Variants in CUBN observed in about 807,000 individuals in gnomAD.
CUBN encodes the protein 460 kDa receptor.
In CUBN, 282 loss-of-function variants were observed where a neutral mutation model predicts 405.3. That is an observed-to-expected ratio of 0.70 (90% CI 0.63 to 0.77). The LOEUF is 0.77. CUBN is among the 30% of genes least tolerant of loss of function. The probability of loss-of-function intolerance (pLI) is 0.00; values close to 1 mark genes in which losing one functional copy is unlikely to be tolerated. For synonymous variants in CUBN, 1,684 were observed against 1,617.0 expected (o/e 1.04, Z -0.99); for missense variants, 4,514 against 4,475.2 (o/e 1.01, Z -0.25).
intron 56 of CUBN, among the ~76,000 whole-genome samples, chr10:16,879,493 A>G (rs1840607961): frequency 6.6e-6 from 1 of 152,260 alleles, no homozygotes; most frequent in African/African-American, 2.4e-5. Context: ...TTATATAAGC[A>G]CATGCTATGG....
intron 60 of CUBN, among the ~76,000 whole-genome samples, chr10:16,844,606 T>C (rs1839457412): frequency 6.6e-6 from 1 of 152,212 alleles, no homozygotes; most frequent in Non-Finnish European, 1.5e-5. Flanking sequence ...CATACATACC[T>C]GGCCCCAAGC....
chr10:17,036,480 G>C (rs1356563002), intron 27 of CUBN, among the ~76,000 whole-genome samples: 3 of 152,078 alleles, frequency 2.0e-5, no homozygotes, highest in Non-Finnish European at 4.4e-5. Flanking sequence ...GTGTGGGGAG[G>C]TGTGAGCCTT....
At chr10:16,936,909 G>T (rs1020225197) in intron 39 of CUBN, among the ~76,000 whole-genome samples, 2 of 152,030 alleles carry the variant, frequency 1.3e-5, no homozygotes, top group Non-Finnish European at 2.9e-5. Context: ...TAGAGATGGG[G>T]TTTTGCCATG....
At chr10:17,084,135 G>A in intron 17 of CUBN, 136 bp downstream of exon 17, 2 of 811,628 alleles carry the variant, frequency 2.5e-6, no homozygotes, top group Non-Finnish European at 4.2e-6. Context: ...TTAGAGCTTA[G>A]TTATTATTGT....
intron 45 of CUBN, among the ~76,000 whole-genome samples, chr10:16,917,368 T>C (rs747780452): frequency 2.4e-4 from 37 of 152,232 alleles, no homozygotes; most frequent in Admixed American, 2.6e-4. Context: ...ATAGACTGTT[T>C]TTTTCTCTAT....
chr10:16,947,395 A>T (rs144820159), intron 35 of CUBN, 28 bp from the exon 36 acceptor site: 3 of 1,613,516 alleles, frequency 1.9e-6, no homozygotes, highest in Non-Finnish European at 2.5e-6. Flanking sequence ...TAAAGTGAGT[A>T]TCAGAGCAAA....
chr10:16,916,352 G>A (rs1339319810), intron 45 of CUBN, among the ~76,000 whole-genome samples: 1 of 152,160 alleles, frequency 6.6e-6, no homozygotes, highest in African/African-American at 2.4e-5. Flanking sequence ...TCGCAAGTAA[G>A]TTTCATCTCA....
rs1003731369 is a variant in CUBN, at chr10:17,065,136, C to G, written c.3139+372G>C. Among the ~76,000 whole-genome samples, 29 of 141,410 alleles carry G rather than the reference C, an allele frequency of 2.1e-4. 1 individual carries two copies. Among genetic ancestry groups the G allele is most frequent in the African/African-American group, 6.6e-4 (23 of 35,048 alleles). The allele number at this position is 141,410 out of a possible 152,430, so 92.8% of individuals were successfully genotyped here. ...ATCATTTCTCTCTCTCTCTCCCCCC[C>G]CCCCCACACACACATGCACAGACAC... is the stretch of plus-strand genomic sequence containing the variant. On this transcript the variant is annotated intron_variant, in intron 22 of 66. Transcript: ENST00000377833.
intron 6 of CUBN, among the ~76,000 whole-genome samples, chr10:17,117,327 G>C (rs1836927153): frequency 6.6e-6 from 1 of 152,214 alleles, no homozygotes. Context: ...AGTTTACTTT[G>C]CCACCTGTCC....
rs1564379474 is a variant in CUBN at position 16,840,416 on chromosome 10, G to C, written c.9946C>G (p.Gln3316Glu). 6.2e-7 allele frequency: 1 copy of C among 1,614,142 alleles called. No individual in the cohort carries two copies. The highest frequency in any genetic ancestry group is 1.3e-5 in the African/African-American group (1 of 75,034). Residue 3316 changes from glutamine to glutamate, a missense_variant, in exon 62 of 67, where the codon CAG (glutamine) becomes GAG (glutamate). By Grantham distance (29) the Gln-to-Glu change is conservative (BLOSUM62 2). Around this residue, in one of 5 missense-constraint regions of CUBN, gnomAD observed 1,186 missense variants for 1,186.9 expected, o/e 1.00. Coordinates refer to ENST00000377833, the MANE Select transcript of CUBN (RefSeq NM_001081.4). ...GCCCACACAGTTATCTTGACCTGCT[G>C]ATGCGGAGGGGAATCAATGACCCAA... ...CTWVIDSPPH[Q>E]QVKITVWALQ...
At chr10:17,126,564 G>A (rs577091050) in intron 4 of CUBN, among the ~76,000 whole-genome samples, 197 bp downstream of exon 4, 1 of 152,326 alleles carries the variant, frequency 6.6e-6, no homozygotes, top group South Asian at 2.1e-4. Context: ...CCTCAGCCTT[G>A]TCATTTCATC....
chr10:16,891,382 T>C (rs575897286), intron 54 of CUBN, among the ~76,000 whole-genome samples: 2 of 152,004 alleles, frequency 1.3e-5, no homozygotes, highest in Admixed American at 6.6e-5. Context: ...CTGGGGGAAG[T>C]GAGCCTGCCC....
At chr10:17,034,606 T>C (rs1834855890) in intron 27 of CUBN, among the ~76,000 whole-genome samples, 1 of 152,180 alleles carries the variant, frequency 6.6e-6, no homozygotes, top group East Asian at 1.9e-4. Flanking sequence ...AAGTCTGGGA[T>C]GAGGACTAGG....
chr10:17,085,074 A>C (rs1564509291), intron 16 of CUBN, among the ~76,000 whole-genome samples: 1 of 152,164 alleles, frequency 6.6e-6, no homozygotes, highest in Non-Finnish European at 1.5e-5. Context: ...TTCCCTAAAA[A>C]AATCCAAATC....
At chr10:16,976,482 C>T (rs11254315) in intron 31 of CUBN, among the ~76,000 whole-genome samples, 83,471 of 151,350 alleles carry the variant, frequency 0.55, 23,357 homozygotes, top group African/African-American at 0.59. Context: ...GTAACATTTT[C>T]TCTTTATCTT....
intron 23 of CUBN, among the ~76,000 whole-genome samples, chr10:17,047,126 T>C (rs1363326619): frequency 6.6e-6 from 1 of 152,216 alleles, no homozygotes; most frequent in African/African-American, 2.4e-5. Context: ...GCAAGTTACA[T>C]CATTTCAGAG....
chr10:16,914,911 G>T (rs1412031845), intron 47 of CUBN, 121 bp downstream of exon 47: 1 of 856,880 alleles, frequency 1.2e-6, no homozygotes, highest in Non-Finnish European at 1.9e-6. Flanking sequence ...TTCTGATTAA[G>T]GTCCAAGAAA....
intron 28 of CUBN, among the ~76,000 whole-genome samples, chr10:16,999,493 G>T (rs193032067): frequency 6.6e-6 from 1 of 152,180 alleles, no homozygotes; most frequent in African/African-American, 2.4e-5. Flanking sequence ...TTCTTCAGGA[G>T]AAATCAATCA....
At position 16,954,552 on chromosome 10, in the gene CUBN, C is replaced by T. The variant is rs1377394062; in HGVS notation, c.4696-4G>A. The T allele has an allele frequency of 6.2e-7, 1 of 1,613,072 alleles. No individual in the cohort carries two copies. The highest frequency in any genetic ancestry group is 8.5e-7 in the Non-Finnish European group (1 of 1,179,938). On this transcript the variant is annotated splice_polypyrimidine_tract_variant and splice_region_variant and intron_variant, in intron 31 of 66. Coordinates refer to ENST00000377833, the MANE Select transcript of CUBN (RefSeq NM_001081.4). ...TGGAGCTTAAGCCATCGTATGCCTACAAGAAAGGAGACAGGGCAAACAGTG... is the reference window on the plus strand; with the variant it reads ...TGGAGCTTAAGCCATCGTATGCCTATAAGAAAGGAGACAGGGCAAACAGTG...
Sources: gnomAD v4.1 joint callset for allele counts (sites outside exome capture counted in the v4.1 genomes callset) on GRCh38, gnomAD v4.1.1 for gene constraint, gnomAD v4.1.1 regional missense constraint, MANE v1.5 for transcripts, NCBI Gene and HGNC (gene_info 2026-07-23, HGNC 2026-07-21) for gene names.